PSG1: variants seen among roughly 807,000 people sequenced by gnomAD.
PSG1 encodes the protein pregnancy specific beta-1-glycoprotein 1.
Under a neutral mutation model 41.4 loss-of-function variants are expected in PSG1, and 60 were observed. The ratio of observed to expected loss-of-function variants is 1.45; its 90% CI spans 1.18 to 1.80. PSG1 has a LOEUF of 1.80. Ranked by LOEUF, PSG1 falls within the 40% of genes most tolerant of loss-of-function variation. The pLI is 0.00. For missense variants in PSG1, 806 were observed against 516.9 expected, an observed-to-expected ratio of 1.56 and a Z score of -5.42; for synonymous variants, 256 against 192.9, an observed-to-expected ratio of 1.33 and a Z score of -2.71.
intron 1 of PSG1, 91 bp from the exon 2 acceptor site, chr19:42,878,369 C>A: frequency 1.3e-6 from 2 of 1,486,734 alleles, no homozygotes; most frequent in Non-Finnish European, 1.8e-6. Flanking sequence ...TCTCTTCAGT[C>A]CTCAGCCTTG....
At position 42,879,666 on chromosome 19, in the gene PSG1, C is replaced by A. The variant is rs1971786621; in HGVS notation, c.-85G>T. 1 of 1,559,122 alleles carries A rather than the reference C, an allele frequency of 6.4e-7. No individual in the cohort carries two copies. The highest frequency in any genetic ancestry group is 1.4e-5 in the African/African-American group (1 of 73,248). ...TGAGCACGGCTGTCAGCTGTGCTGT[C>A]CTTCCTCTTTCTGTGCTGAGCCTCT... On this transcript the variant is annotated 5_prime_UTR_variant, in exon 1 of 6. Coordinates refer to ENST00000436291, the MANE Select transcript of PSG1 (RefSeq NM_001184825.2).
Position 42,866,852 on chromosome 19 carries a change from G to A in PSG1, c.*282C>T, listed in dbSNP as rs1971156363. 3 of 627,500 alleles carry A rather than the reference G, an allele frequency of 4.8e-6. 1 individual carries two copies. The African/African-American group carries it at 5.5e-5, about 11-fold the overall frequency. 38.9% of individuals were successfully genotyped at this position (627,500 alleles called of 1,614,324 possible). A position where few individuals can be genotyped will look rare whatever the true frequency, so the allele number is the denominator to read the frequency against. On this transcript the variant is annotated 3_prime_UTR_variant, in exon 6 of 6. Transcript: ENST00000436291. The stretch of plus-strand genomic sequence containing the variant: ...ATGAGCAAGGACAGTTAAGAGGGGG[G>A]AGAGCCTCATCATGATGGGGAGTCT...
intron 4 of PSG1, 84 bp from the exon 5 acceptor site, chr19:42,868,439 T>G: frequency 6.7e-7 from 1 of 1,491,600 alleles, no homozygotes. Context: ...ACAGTGACCC[T>G]CTGAGCCAAG....
chr19:42,877,460 A>G (rs1216400018), intron 2 of PSG1, among the ~76,000 whole-genome samples: 1 of 151,548 alleles, frequency 6.6e-6, no homozygotes. Context: ...AGAAGCCACA[A>G]CCCAGTCCCA....
At chr19:42,870,797 T>C (rs1483328452) in intron 3 of PSG1, among the ~76,000 whole-genome samples, 2 of 151,772 alleles carry the variant, frequency 1.3e-5, no homozygotes, top group East Asian at 3.9e-4. Context: ...TTTGTAGTTT[T>C]CAGGGTATAA....
At chr19:42,874,091 A>G (rs1971505554) in intron 2 of PSG1, 1 of 151,528 alleles carries the variant, frequency 6.6e-6, no homozygotes, top group Admixed American at 6.6e-5. Flanking sequence ...AGTCCCCAAA[A>G]CCACCGGTAT....
intron 2 of PSG1, among the ~76,000 whole-genome samples, chr19:42,876,480 A>G (rs369600701): frequency 6.6e-6 from 1 of 151,572 alleles, no homozygotes; most frequent in Admixed American, 6.6e-5. Context: ...TTCTGCATCC[A>G]AGATCCAATC....
intron 3 of PSG1, 60 bp downstream of exon 3, chr19:42,871,707 C>T (rs1416368988): frequency 2.5e-6 from 4 of 1,612,314 alleles, no homozygotes; most frequent in Non-Finnish European, 2.5e-6. Context: ...AGAGGCCTGG[C>T]CTCTGGCCAC....
At chr19:42,867,933 A>T (rs1373593387) in intron 5 of PSG1, 168 bp downstream of exon 5, 2 of 1,547,540 alleles carry the variant, frequency 1.3e-6, no homozygotes, top group Admixed American at 4.0e-5. Context: ...TGTTTGTTAA[A>T]GTTTTCGAAG....
At chr19:42,875,007 T>C (rs1971545606) in intron 2 of PSG1, among the ~76,000 whole-genome samples, 1 of 151,760 alleles carries the variant, frequency 6.6e-6, no homozygotes, top group South Asian at 2.1e-4. Flanking sequence ...GTGAGCTCCT[T>C]AGCAGGTTGA....
chr19:42,869,380 A>C (rs541664576), intron 3 of PSG1: 1 of 386,932 alleles, frequency 2.6e-6, no homozygotes, highest in African/African-American at 2.0e-5. Context: ...TACCTGGAAT[A>C]TGCAACTGCT....
At chr19:42,873,303 A>G (rs1454155703) in intron 2 of PSG1, among the ~76,000 whole-genome samples, 1 of 151,686 alleles carries the variant, frequency 6.6e-6, no homozygotes, top group Non-Finnish European at 1.5e-5. Context: ...AATCTGAAAA[A>G]TTTAAAATCC....
chr19:42,873,567 T>C (rs1373649556), intron 2 of PSG1, among the ~76,000 whole-genome samples: 2 of 151,764 alleles, frequency 1.3e-5, no homozygotes, highest in African/African-American at 2.4e-5. Flanking sequence ...CTAAGATCAA[T>C]TGCTGGTAGT....
chr19:42,868,086 C>G lies in PSG1; in HGVS notation c.1243+15G>C. On this transcript the variant is annotated intron_variant, in intron 5 of 5. Coordinates refer to ENST00000436291, the MANE Select transcript of PSG1 (RefSeq NM_001184825.2). ...ACCTAAAACCCTATTGCCAACGATGCTGGGATCCACTTACCAGAGACTTCG... is the reference window on the plus strand; with the variant it reads ...ACCTAAAACCCTATTGCCAACGATGGTGGGATCCACTTACCAGAGACTTCG... 6.2e-7 allele frequency: 1 copy of G among 1,612,274 alleles called. No homozygotes were observed. The highest frequency in any genetic ancestry group is 2.2e-5 in the East Asian group (1 of 44,796).
At chr19:42,872,083 G>C in intron 2 of PSG1, 38 bp from the exon 3 acceptor site, 2 of 1,586,744 alleles carry the variant, frequency 1.3e-6, no homozygotes, top group Non-Finnish European at 1.7e-6. Context: ...CGTGTGTGGC[G>C]CCTTTGATTC....
At chr19:42,873,894 C>T (rs1035708264) in intron 2 of PSG1, among the ~76,000 whole-genome samples, 2 of 151,748 alleles carry the variant, frequency 1.3e-5, no homozygotes, top group Admixed American at 6.6e-5. Flanking sequence ...TTCTCTTAAG[C>T]TCAGGAAACA....
Position 42,868,952 on chromosome 19 carries a change from A to G in PSG1, c.792T>C (p.Pro264=). ...NKDVLNFTCE[P]KSENYTYIWW... is the part of the protein sequence containing the mutation. ...AAATGTAGGTGTAGTTCTCACTCTT[A>G]GGTTCACAGGTGAAGTTTAAGACAT... Residue 264 remains proline, a synonymous_variant, in exon 4 of 6, where the codon CCT becomes CCC. Coordinates refer to ENST00000436291, the MANE Select transcript of PSG1 (RefSeq NM_001184825.2). 4 of 1,610,382 alleles carry G rather than the reference A, an allele frequency of 2.5e-6. No homozygotes were observed. The highest frequency in any genetic ancestry group is 3.4e-6 in the Non-Finnish European group (4 of 1,178,982).
chr19:42,873,593 A>G (rs1389937098), intron 2 of PSG1, among the ~76,000 whole-genome samples: 2 of 151,712 alleles, frequency 1.3e-5, no homozygotes, highest in African/African-American at 4.8e-5. Flanking sequence ...TTCTCTTGAG[A>G]CCAAAATAAG....
intron 5 of PSG1, 21 bp downstream of exon 5, chr19:42,868,080 A>C: frequency 6.2e-7 from 1 of 1,612,202 alleles, no homozygotes; most frequent in Non-Finnish European, 8.5e-7. Flanking sequence ...CCTATTGCCA[A>C]CGATGCTGGG....
Sources: gnomAD v4.1 joint callset for allele counts (sites outside exome capture counted in the v4.1 genomes callset) on GRCh38, gnomAD v4.1.1 for gene constraint, MANE v1.5 for transcripts, NCBI Gene and HGNC (gene_info 2026-07-23, HGNC 2026-07-21) for gene names.